The following CDC40 variants were observed in gnomAD, a reference collection of about 807,000 sequenced individuals.
CDC40 encodes pre-mRNA-processing factor 17.
In CDC40, 27 loss-of-function variants were observed where a neutral mutation model predicts 80.6. That is an observed-to-expected ratio of 0.33 (90% CI 0.25 to 0.46). The LOEUF (loss-of-function observed/expected upper bound fraction) is 0.46, where lower values mean the gene tolerates loss of function less well. CDC40 is among the 20% of genes least tolerant of loss of function. CDC40 has a pLI of 1.00. For missense variants in CDC40, 486 were observed against 694.1 expected (o/e 0.70, Z 3.37); for synonymous variants, 221 against 232.6 (o/e 0.95, Z 0.45).
Position 110,210,735 on chromosome 6 carries a change from C to G in CDC40, c.659C>G (p.Thr220Arg), listed in dbSNP as rs760430736. ...EEEQKELDEI[T>R]AKRQKKGKQE... ...GAGCAAAAAGAATTGGATGAAATCACAGCAAAGAGGCAGAAAAAAGGAAAA... is the reference window on the plus strand; with the variant it reads ...GAGCAAAAAGAATTGGATGAAATCAGAGCAAAGAGGCAGAAAAAAGGAAAA... Residue 220 changes from threonine to arginine, a missense_variant, in exon 6 of 15, where the codon ACA becomes AGA. Thr to Arg is a moderately conservative substitution (Grantham distance 71). Coordinates refer to ENST00000307731, the MANE Select transcript of CDC40 (RefSeq NM_015891.3). The G allele has an allele frequency of 6.3e-7, 1 of 1,577,696 alleles. No individual in the cohort carries two copies. Among genetic ancestry groups the G allele is most frequent in the Admixed American group, 1.9e-5 (1 of 53,978 alleles).
At chr6:110,180,655 G>A (rs1408893458) in intron 1 of CDC40, 22 bp downstream of exon 1, 5 of 1,579,902 alleles carry the variant, frequency 3.2e-6, no homozygotes, top group Non-Finnish European at 4.3e-6. Context: ...TGCTACTAAT[G>A]CAGTGTGGGA....
rs1334245601 is a variant in CDC40 at position 110,213,093 on chromosome 6, G to T, written c.875G>T (p.Ser292Ile). ...TGTAATACCTTTTTATAGGGCGTCA[G>T]TGCAGTCAGATTGTTTCCTCTCTCT... is the stretch of plus-strand genomic sequence containing the variant. ...HVWSGHTKGVSAVRLFPLSGH... is the reference protein window; with the variant it reads ...HVWSGHTKGVIAVRLFPLSGH... The change falls in exon 8 of 15, where the codon AGT (serine) becomes ATT (isoleucine). Residue 292 changes from serine to isoleucine, a missense_variant. This residue lies in a region of CDC40 where 381 missense variants were observed against 492.1 expected (regional missense o/e 0.77). Coordinates refer to ENST00000307731, the MANE Select transcript of CDC40 (RefSeq NM_015891.3). 3.1e-6 allele frequency: 5 copies of T among 1,604,514 alleles called. No homozygotes were observed. Among genetic ancestry groups the T allele is most frequent in the Non-Finnish European group, 4.3e-6 (5 of 1,171,288 alleles).
chr6:110,182,520 TTTTC>T (rs1185513000), intron 1 of CDC40, among the ~76,000 whole-genome samples: 1 of 152,222 alleles, frequency 6.6e-6, no homozygotes, highest in Non-Finnish European at 1.5e-5. Flanking sequence ...GAAGGTATCC[TTTTC>T]TCTTCCTTCT....
rs531758747 is a variant in CDC40 at position 110,231,761 on chromosome 6, C to T, written c.*1630C>T. The T allele has an allele frequency of 6.0e-5, 9 of 150,016 alleles. No homozygotes were observed. In the South Asian group the frequency reaches 8.6e-4, roughly 14 times the overall value. The allele number at this position is 150,016 out of a possible 1,614,324, so 9.3% of individuals were successfully genotyped here. A position where few individuals can be genotyped will look rare whatever the true frequency, so the allele number is the denominator to read the frequency against. Reference sequence around the variant, plus strand: ...TAGCAGTGTATGCTCCTTGCCCTTACGGAGTGTCTGTTTTTAGAAATTTAG... The same window carrying T: ...TAGCAGTGTATGCTCCTTGCCCTTATGGAGTGTCTGTTTTTAGAAATTTAG... On this transcript the variant is annotated 3_prime_UTR_variant, in exon 15 of 15. Transcript: ENST00000307731.
intron 12 of CDC40, 125 bp downstream of exon 12, chr6:110,219,994 CCAAT>C (rs758847102): frequency 7.1e-5 from 64 of 895,998 alleles, no homozygotes; most frequent in Non-Finnish European, 9.6e-5. Flanking sequence ...TCCTGGCTTG[CCAAT>C]CAAACTGTTT....
At chr6:110,186,716 AT>A (rs1419420661) in intron 1 of CDC40, among the ~76,000 whole-genome samples, 1 of 152,018 alleles carries the variant, frequency 6.6e-6, no homozygotes, top group East Asian at 1.9e-4. Context: ...CCCGCACCCC[AT>A]TTTTTTGAGA....
chr6:110,183,163 T>C (rs1777222182), intron 1 of CDC40, among the ~76,000 whole-genome samples: 1 of 152,198 alleles, frequency 6.6e-6, no homozygotes, highest in Non-Finnish European at 1.5e-5. Context: ...TATTTTACCT[T>C]AGCCCCTTTA....
Position 110,231,772 on chromosome 6 carries a change from T to C in CDC40, c.*1641T>C, listed in dbSNP as rs1777941992. ...GCTCCTTGCCCTTACGGAGTGTCTG[T>C]TTTTAGAAATTTAGATTTTAAAAGG... On this transcript the variant is annotated 3_prime_UTR_variant, in exon 15 of 15. Coordinates refer to ENST00000307731, the MANE Select transcript of CDC40 (RefSeq NM_015891.3). 6.7e-6 allele frequency: 1 copy of C among 149,320 alleles called. No individual in the cohort carries two copies. Among genetic ancestry groups the C allele is most frequent in the African/African-American group, 2.5e-5 (1 of 40,280 alleles). The allele number at this position is 149,320 out of a possible 1,614,324, so 9.2% of individuals were successfully genotyped here. A position where few individuals can be genotyped will look rare whatever the true frequency, so the allele number is the denominator to read the frequency against.
chr6:110,198,220 C>G (rs1396071994), intron 2 of CDC40, among the ~76,000 whole-genome samples: 1 of 151,256 alleles, frequency 6.6e-6, no homozygotes, highest in African/African-American at 2.4e-5. Context: ...CTCTGTCACC[C>G]AGGCTGAAGT....
chr6:110,222,425 C>T (rs1211850086), intron 12 of CDC40, among the ~76,000 whole-genome samples: 1 of 151,998 alleles, frequency 6.6e-6, no homozygotes, highest in Non-Finnish European at 1.5e-5. Flanking sequence ...GGCGTGGTGG[C>T]AGGCGCGTGT....
At chr6:110,196,468 T>A (rs1427665024) in intron 2 of CDC40, among the ~76,000 whole-genome samples, 1 of 152,186 alleles carries the variant, frequency 6.6e-6, no homozygotes, top group Non-Finnish European at 1.5e-5. Context: ...CAATTCTTTT[T>A]AAATCTGCTT....
chr6:110,218,821 A>ATT (rs71865877), intron 10 of CDC40, among the ~76,000 whole-genome samples: 2,101 of 134,090 alleles, frequency 0.016, 16 homozygotes, highest in South Asian at 0.027. Context: ...ATATTCAGTG[A>ATT]TTTTTTTTTT....
intron 13 of CDC40, among the ~76,000 whole-genome samples, chr6:110,228,221 T>C (rs187716719): frequency 1.4e-3 from 210 of 152,314 alleles, no homozygotes; most frequent in Non-Finnish European, 2.4e-3. Context: ...TATAATCTTA[T>C]GGGACCACTG....
chr6:110,201,767 C>T, intron 3 of CDC40, 80 bp downstream of exon 3: 2 of 1,222,314 alleles, frequency 1.6e-6, no homozygotes, highest in East Asian at 4.9e-5. Flanking sequence ...GTTTTATCTT[C>T]TGGCTTTTAA....
chr6:110,224,595 G>A (rs1228869460), intron 12 of CDC40, among the ~76,000 whole-genome samples: 1 of 152,088 alleles, frequency 6.6e-6, no homozygotes, highest in Non-Finnish European at 1.5e-5. Context: ...TGCTATGTTG[G>A]CCAGGCTGGT....
At chr6:110,210,330 G>GC (rs1437368728) in intron 5 of CDC40, among the ~76,000 whole-genome samples, 1 of 151,710 alleles carries the variant, frequency 6.6e-6, no homozygotes, top group Non-Finnish European at 1.5e-5. Flanking sequence ...CGGGCGCATT[G>GC]CCAGAGCTCA....
rs939507245 is a variant in CDC40, at chr6:110,199,452, G to A, written c.277-2106G>A. Among the ~76,000 whole-genome samples, 5 of 151,446 alleles carry A rather than the reference G, an allele frequency of 3.3e-5. No individual in the cohort carries two copies. The East Asian group carries it at 7.8e-4, about 24-fold the overall frequency. On this transcript the variant is annotated intron_variant, in intron 2 of 14. Coordinates refer to ENST00000307731, the MANE Select transcript of CDC40 (RefSeq NM_015891.3). ...TACAAAAAATACAAAAAATTAGCCGGGTGTGGTGGTGGGCACCTGTAGTCC... is the reference window on the plus strand; with the variant it reads ...TACAAAAAATACAAAAAATTAGCCGAGTGTGGTGGTGGGCACCTGTAGTCC...
intron 2 of CDC40, among the ~76,000 whole-genome samples, chr6:110,193,828 T>C (rs1287122052): frequency 6.6e-6 from 1 of 152,236 alleles, no homozygotes; most frequent in East Asian, 1.9e-4. Context: ...CTATGTCTTT[T>C]GAAAAAGGAA....
chr6:110,231,942 A>G lies in CDC40; in HGVS notation c.*1811A>G, dbSNP rs1777944065. 6.8e-6 allele frequency: 1 copy of G among 146,072 alleles called. No individual in the cohort carries two copies. The highest frequency in any genetic ancestry group is 1.5e-5 in the Non-Finnish European group (1 of 66,884). The allele number at this position is 146,072 out of a possible 1,614,324, so 9.0% of individuals were successfully genotyped here. A position where few individuals can be genotyped will look rare whatever the true frequency, so the allele number is the denominator to read the frequency against. ...TGCTGCCATTTCTGTAACTGCCCAG[A>G]AGGGTGACAGATTTCTGAAGGGGAA... is the stretch of plus-strand genomic sequence containing the variant. On this transcript the variant is annotated 3_prime_UTR_variant, in exon 15 of 15. Transcript: ENST00000307731.
Sources: allele counts gnomAD v4.1 joint callset (sites outside exome capture counted in the v4.1 genomes callset), GRCh38; gene constraint gnomAD v4.1.1; regional missense constraint gnomAD v4.1.1; transcripts MANE v1.5; gene names NCBI Gene and HGNC (gene_info 2026-07-23, HGNC 2026-07-21).